CXorf58: variants seen among roughly 807,000 people sequenced by gnomAD.
The protein encoded by CXorf58 is chromosome X open reading frame 58.
A neutral mutation model predicts 26.0 loss-of-function variants in CXorf58; 24 were observed. That is an observed-to-expected ratio of 0.92 (90% CI 0.67 to 1.30). The LOEUF (loss-of-function observed/expected upper bound fraction) is 1.30. Among genes scored for constraint, CXorf58 ranks in the 50% most tolerant of loss-of-function variants. The probability of loss-of-function intolerance (pLI) is 0.00; values close to 1 mark genes in which losing one functional copy is unlikely to be tolerated. For missense variants in CXorf58, 236 were observed against 263.9 expected (o/e 0.89, Z 0.73); for synonymous variants, 87 against 86.1 (o/e 1.01, Z -0.06).
chrX:23,932,504 C>T (rs1366260109), intron 6 of CXorf58, among the ~76,000 whole-genome samples: 1 of 111,993 alleles, frequency 8.9e-6, no homozygotes, highest in Admixed American at 9.6e-5. Context: ...TTTGATTTTC[C>T]ATTTTTGTAA....
rs16982852 is a variant in CXorf58, at chrX:23,935,200, G to A, written c.560G>A (p.Arg187His). The A allele has an allele frequency of 3.2e-3, 3,816 of 1,202,112 alleles. 97 individuals are homozygous for A. In the African/African-American group the frequency reaches 0.059, roughly 19 times the overall value. The change falls in exon 7 of 9, where the codon CGC becomes CAC. Residue 187 changes from arginine (R) to histidine (H), a missense_variant. Physicochemically the swap from Arg to His is conservative, Grantham distance 29. Transcript: ENST00000379211. Reference sequence around the variant, plus strand: ...GTTCTTGTTTTTTCCCTACAGTATCGCAGTTTTTTCGATGAGGCCCCTGCA... The same window carrying A: ...GTTCTTGTTTTTTCCCTACAGTATCACAGTTTTTTCGATGAGGCCCCTGCA... The part of the protein sequence containing the change: ...VVTMQDYVQY[R>H]SFFDEAPAFS...
At chrX:23,918,931 C>G (rs1317008902) in intron 5 of CXorf58, among the ~76,000 whole-genome samples, 1 of 112,325 alleles carries the variant, frequency 8.9e-6, no homozygotes, top group African/African-American at 3.2e-5. Context: ...AATGAGAAGT[C>G]TGCTGCCAGA....
chrX:23,913,702 C>T (rs999656177), intron 3 of CXorf58, among the ~76,000 whole-genome samples: 3 of 109,980 alleles, frequency 2.7e-5, no homozygotes, highest in Non-Finnish European at 3.8e-5. Context: ...GTCAGGAGTT[C>T]GAGACCAGTC....
At chrX:23,934,841 TG>T (rs763889208) in intron 6 of CXorf58, among the ~76,000 whole-genome samples, 9 of 108,754 alleles carry the variant, frequency 8.3e-5, no homozygotes, top group East Asian at 2.9e-4. Context: ...CAGTCTTAAT[TG>T]TTTTTTTTCT....
chrX:23,932,791 T>G (rs1928192190), intron 6 of CXorf58, among the ~76,000 whole-genome samples: 1 of 111,164 alleles, frequency 9.0e-6, no homozygotes, highest in Non-Finnish European at 1.9e-5. Flanking sequence ...GGTCAGGAGT[T>G]CGAGACCAGC....
chrX:23,915,056 C>A (rs776395127), intron 3 of CXorf58, among the ~76,000 whole-genome samples: 2 of 112,296 alleles, frequency 1.8e-5, no homozygotes, highest in East Asian at 5.6e-4. Context: ...ATCGCTTGAA[C>A]CTGGGAGGCG....
intron 1 of CXorf58, among the ~76,000 whole-genome samples, chrX:23,909,883 G>A (rs1415301495): frequency 1.8e-5 from 2 of 111,743 alleles, no homozygotes; most frequent in African/African-American, 3.3e-5. Context: ...AGACAAACAT[G>A]TAAAAACTCT....
intron 3 of CXorf58, 110 bp from the exon 4 acceptor site, chrX:23,915,590 A>G (rs954277117): frequency 4.5e-6 from 2 of 443,735 alleles, no homozygotes; most frequent in Non-Finnish European, 7.8e-6. Flanking sequence ...CCCCTTCAGA[A>G]CTCCAAGTCC....
At chrX:23,909,432 T>C (rs1183895841) in intron 1 of CXorf58, among the ~76,000 whole-genome samples, 1 of 112,161 alleles carries the variant, frequency 8.9e-6, no homozygotes, top group Non-Finnish European at 1.9e-5. Context: ...TGCTCGTTAC[T>C]ACAAAAATAC....
At chrX:23,908,576 G>C (rs1157330883) in intron 1 of CXorf58, among the ~76,000 whole-genome samples, 3 of 111,958 alleles carry the variant, frequency 2.7e-5, no homozygotes, top group African/African-American at 9.7e-5. Context: ...ATTTGTACAA[G>C]ACCACATAGG....
rs183018623 is a variant in CXorf58, at chrX:23,933,615, G to A, written c.556-1581G>A. Among the ~76,000 whole-genome samples, 8 of 110,861 alleles carry A rather than the reference G, an allele frequency of 7.2e-5. No homozygotes were observed. In the East Asian group the frequency reaches 2.0e-3, roughly 28 times the overall value. ...ACAAAGATTAAAAAATTGGCCAGGC[G>A]TGATGGCTCACGCCTGTAATCTCAG... On this transcript the variant is annotated intron_variant, in intron 6 of 8. Coordinates refer to ENST00000379211, the MANE Select transcript of CXorf58 (RefSeq NM_152761.3).
intron 6 of CXorf58, among the ~76,000 whole-genome samples, chrX:23,930,196 CAAAAAAA>C (rs752970734): frequency 1.9e-4 from 7 of 36,759 alleles, no homozygotes; most frequent in Non-Finnish European, 8.6e-5. Flanking sequence ...GACTCTGTCT[CAAAAAAA>C]AAAAAAAAAA....
chrX:23,924,300 T>C (rs1927944135), intron 5 of CXorf58, among the ~76,000 whole-genome samples: 1 of 96,035 alleles, frequency 1.0e-5, no homozygotes, highest in Admixed American at 1.1e-4. Flanking sequence ...ATACTATCTT[T>C]ATTTTATTTA....
chrX:23,934,815 C>T (rs1928252264), intron 6 of CXorf58, among the ~76,000 whole-genome samples: 1 of 110,504 alleles, frequency 9.0e-6, no homozygotes, highest in African/African-American at 3.3e-5. Context: ...TGAGCCACCG[C>T]ACCTGGCCAA....
At chrX:23,928,935 G>A (rs1928084238) in intron 6 of CXorf58, among the ~76,000 whole-genome samples, 1 of 111,885 alleles carries the variant, frequency 8.9e-6, no homozygotes, top group Non-Finnish European at 1.9e-5. Flanking sequence ...GAAGCTTAGT[G>A]AGGAAGTCAT....
intron 4 of CXorf58, 144 bp downstream of exon 4, chrX:23,915,938 G>T: frequency 2.2e-6 from 1 of 459,262 alleles, no homozygotes. Context: ...GTTATGTGAA[G>T]AAACCGAGGC....
intron 6 of CXorf58, among the ~76,000 whole-genome samples, chrX:23,932,001 A>G (rs1601969166): frequency 8.9e-6 from 1 of 112,485 alleles, no homozygotes; most frequent in East Asian, 2.8e-4. Context: ...TATACTGGAA[A>G]CTATTGAATT....
intron 5 of CXorf58, among the ~76,000 whole-genome samples, chrX:23,916,961 A>G (rs1667942869): frequency 9.1e-6 from 1 of 110,046 alleles, no homozygotes; most frequent in African/African-American, 3.3e-5. Context: ...ATGCCATTTT[A>G]TTTGTTTTAA....
At chrX:23,933,024 A>T (rs1301771972) in intron 6 of CXorf58, among the ~76,000 whole-genome samples, 1 of 110,836 alleles carries the variant, frequency 9.0e-6, no homozygotes. Context: ...GGCCGGGTGC[A>T]GTGGCTCATG....
Sources: allele counts gnomAD v4.1 joint callset (sites outside exome capture counted in the v4.1 genomes callset), GRCh38; gene constraint gnomAD v4.1.1; transcripts MANE v1.5; gene names NCBI Gene and HGNC (gene_info 2026-07-23, HGNC 2026-07-21).